The following PCED1B variants were observed in gnomAD, a reference collection of about 807,000 sequenced individuals.
PCED1B encodes PC-esterase domain-containing protein 1B.
For synonymous variants in PCED1B, 251 were observed against 246.1 expected, an observed-to-expected ratio of 1.02 and a Z score of -0.19; for missense variants, 573 against 573.9, an observed-to-expected ratio of 1.00 and a Z score of 0.02.
chr12:47,115,865 A>G (rs1479542777), intron 2 of PCED1B, among the ~76,000 whole-genome samples: 1 of 152,226 alleles, frequency 6.6e-6, no homozygotes, highest in Admixed American at 6.5e-5. Flanking sequence ...GTGAACTGCT[A>G]TGCCAGGCTC....
intron 3 of PCED1B, among the ~76,000 whole-genome samples, chr12:47,217,502 AAG>A (rs1491036234): frequency 1.5e-5 from 2 of 134,728 alleles, no homozygotes; most frequent in African/African-American, 6.2e-5. Flanking sequence ...GAAAGAAAGA[AAG>A]AAAGAAAGAA....
intron 1 of PCED1B, among the ~76,000 whole-genome samples, chr12:47,093,110 T>C (rs1042453700): frequency 6.6e-6 from 1 of 152,004 alleles, no homozygotes; most frequent in Non-Finnish European, 1.5e-5. Flanking sequence ...TGATAAACTA[T>C]CTGAGCCCAG....
chr12:47,143,191 G>C (rs561427926), intron 2 of PCED1B, among the ~76,000 whole-genome samples: 1 of 152,018 alleles, frequency 6.6e-6, no homozygotes, highest in African/African-American at 2.4e-5. Context: ...ATTCTATTCA[G>C]TATAGTATTG....
At chr12:47,089,050 C>T (rs1197739916) in intron 1 of PCED1B, among the ~76,000 whole-genome samples, 1 of 152,080 alleles carries the variant, frequency 6.6e-6, no homozygotes, top group East Asian at 1.9e-4. Flanking sequence ...TCAGACAGGG[C>T]CGTCTTTATA....
At chr12:47,102,239 T>C (rs1938739785) in intron 1 of PCED1B, among the ~76,000 whole-genome samples, 1 of 152,230 alleles carries the variant, frequency 6.6e-6, no homozygotes, top group African/African-American at 2.4e-5. Context: ...TGATTACATG[T>C]GGAAACTTTC....
In PCED1B at chr12:47,209,912, A is replaced by G. The variant is rs111536596; in HGVS notation, c.-525-6310A>G. 12 of 152,430 alleles carry G rather than the reference A, an allele frequency of 7.9e-5. 1 individual carries two copies. Among genetic ancestry groups the G allele is most frequent in the Admixed American group, 4.6e-4 (7 of 15,302 alleles). The allele number at this position is 152,430 out of a possible 1,614,324, so 9.4% of individuals were successfully genotyped here. A position where few individuals can be genotyped will look rare whatever the true frequency, so the allele number is the denominator to read the frequency against. ...TTGGAAGCCACAGCACCACCACAGC[A>G]GGATTCTAGATTTGAACTAAAGCAG... On this transcript the variant is annotated intron_variant, in intron 2 of 3. Transcript: ENST00000546455.
intron 2 of PCED1B, among the ~76,000 whole-genome samples, chr12:47,106,049 GGAGCTAACAA>G (rs1236816423): frequency 6.6e-6 from 1 of 152,116 alleles, no homozygotes; most frequent in African/African-American, 2.4e-5. Flanking sequence ...ATTTTACAGA[GGAGCTAACAA>G]GACTAGAGAG....
At chr12:47,212,073 TCAA>T (rs1565604241) in intron 2 of PCED1B, among the ~76,000 whole-genome samples, 1 of 61,236 alleles carries the variant, frequency 1.6e-5, no homozygotes, top group East Asian at 5.5e-4. Context: ...AGACTCCGTC[TCAA>T]AAAAAAAAAA....
chr12:47,114,558 T>A (rs1436411749), intron 2 of PCED1B, among the ~76,000 whole-genome samples: 1 of 152,196 alleles, frequency 6.6e-6, no homozygotes, highest in Non-Finnish European at 1.5e-5. Flanking sequence ...CATGCCTCAA[T>A]TCTGGTTCAA....
At chr12:47,144,445 CA>C (rs1940712538) in intron 2 of PCED1B, among the ~76,000 whole-genome samples, 1 of 152,204 alleles carries the variant, frequency 6.6e-6, no homozygotes, top group Admixed American at 6.5e-5. Context: ...CTTGGTCACA[CA>C]CTTGGTTTGC....
Position 47,147,989 on chromosome 12 carries a change from G to A in PCED1B, c.-526+43794G>A, listed in dbSNP as rs1015499342. On this transcript the variant is annotated intron_variant, in intron 2 of 3. Transcript: ENST00000546455. ...GCTATAACAGAATACCACAGGCCCA[G>A]TAATTTATAAATAAAGGAAATTTAT... Among the ~76,000 whole-genome samples the A allele has an allele frequency of 4.6e-5, 7 of 152,160 alleles. No individual in the cohort carries two copies. The South Asian group carries it at 1.4e-3, about 31-fold the overall frequency.
chr12:47,092,658 T>A (rs1179044647), intron 1 of PCED1B, among the ~76,000 whole-genome samples: 1 of 152,076 alleles, frequency 6.6e-6, no homozygotes, highest in African/African-American at 2.4e-5. Flanking sequence ...ACGGATATTT[T>A]GTAGATATTC....
chr12:47,146,127 A>C (rs946140487), intron 2 of PCED1B, among the ~76,000 whole-genome samples: 1 of 152,214 alleles, frequency 6.6e-6, no homozygotes, highest in Non-Finnish European at 1.5e-5. Context: ...AGGATTCAGG[A>C]CTTCAGTGGA....
intron 2 of PCED1B, among the ~76,000 whole-genome samples, chr12:47,165,369 G>C (rs61927714): frequency 0.037 from 5,702 of 152,216 alleles, 114 homozygotes; most frequent in Middle Eastern, 0.079. Context: ...AGTTTTACTA[G>C]AATTGCTTTT....
intron 1 of PCED1B, among the ~76,000 whole-genome samples, chr12:47,094,020 A>G (rs916591640): frequency 6.6e-6 from 1 of 152,018 alleles, no homozygotes; most frequent in African/African-American, 2.4e-5. Context: ...TGTTTGAAAG[A>G]GATGCACTAA....
At chr12:47,101,646 G>A (rs1180657981) in intron 1 of PCED1B, among the ~76,000 whole-genome samples, 1 of 152,040 alleles carries the variant, frequency 6.6e-6, no homozygotes, top group Non-Finnish European at 1.5e-5. Context: ...GGAAAAAACT[G>A]AATTAAAAGG....
intron 3 of PCED1B, among the ~76,000 whole-genome samples, chr12:47,221,114 A>G (rs1470855677): frequency 1.3e-5 from 2 of 152,206 alleles, no homozygotes; most frequent in Non-Finnish European, 2.9e-5. Flanking sequence ...ATATAAAATT[A>G]AAACTATACC....
chr12:47,141,574 G>C lies in PCED1B; in HGVS notation c.-526+37379G>C, dbSNP rs1254776104. Among the ~76,000 whole-genome samples, 4 of 152,092 alleles carry C rather than the reference G, an allele frequency of 2.6e-5. No homozygotes were observed. The East Asian group carries it at 7.7e-4, about 29-fold the overall frequency. The stretch of plus-strand genomic sequence containing the variant: ...GAAGCAGCTTGGGACCCAGCTCCAA[G>C]CTCTCTTGGCCATGGTCTGAGAGAA... On this transcript the variant is annotated intron_variant, in intron 2 of 3. Transcript: ENST00000546455.
chr12:47,128,357 G>A (rs1159902314), intron 2 of PCED1B, among the ~76,000 whole-genome samples: 3 of 152,220 alleles, frequency 2.0e-5, no homozygotes, highest in Non-Finnish European at 4.4e-5. Context: ...AAATGGAGAA[G>A]GCACCTTCTT....
Sources: gnomAD v4.1 joint callset for allele counts (sites outside exome capture counted in the v4.1 genomes callset) on GRCh38, gnomAD v4.1.1 for gene constraint, MANE v1.5 for transcripts, NCBI Gene and HGNC (gene_info 2026-07-23, HGNC 2026-07-21) for gene names.